Variants in PLPPR1 observed in about 807,000 individuals in gnomAD.
PLPPR1 encodes the protein phospholipid phosphatase related 1, also known as phospholipid phosphatase-related protein type 1.
PLPPR1 carries 10 observed loss-of-function variants against 33.1 expected under a neutral mutation model. The observed-to-expected ratio is 0.30, with a 90% CI of 0.19 to 0.51. The LOEUF is 0.51. Among genes scored for constraint, PLPPR1 ranks in the 20% least tolerant of loss-of-function variants. The pLI, the probability that PLPPR1 is intolerant of heterozygous loss-of-function variation, is 0.97. For missense variants in PLPPR1, 304 were observed against 408.1 expected, an observed-to-expected ratio of 0.74 and a Z score of 2.20; for synonymous variants, 151 against 151.0, an observed-to-expected ratio of 1.00 and a Z score of 0.00.
At chr9:101,122,885 A>T (rs1831194427) in intron 1 of PLPPR1, among the ~76,000 whole-genome samples, 1 of 152,236 alleles carries the variant, frequency 6.6e-6, no homozygotes, top group South Asian at 2.1e-4. Flanking sequence ...CAGAGGAGCT[A>T]GATCTGTATT....
intron 1 of PLPPR1, among the ~76,000 whole-genome samples, chr9:101,033,160 A>G (rs1829966718): frequency 6.6e-6 from 1 of 152,152 alleles, no homozygotes; most frequent in Non-Finnish European, 1.5e-5. Flanking sequence ...AAGCCCAAAC[A>G]TGTTGAATTT....
chr9:101,282,458 G>T (rs1828322401), intron 3 of PLPPR1, among the ~76,000 whole-genome samples: 1 of 152,138 alleles, frequency 6.6e-6, no homozygotes, highest in Admixed American at 6.6e-5. Context: ...CTAAATTCAT[G>T]TTCAACGGAG....
At chr9:101,131,216 G>A (rs1831309913) in intron 1 of PLPPR1, among the ~76,000 whole-genome samples, 1 of 152,034 alleles carries the variant, frequency 6.6e-6, no homozygotes, top group Non-Finnish European at 1.5e-5. Flanking sequence ...AACTCATTCT[G>A]GAATAATCAT....
At chr9:101,040,523 C>G (rs1368916159) in intron 1 of PLPPR1, among the ~76,000 whole-genome samples, 4 of 152,222 alleles carry the variant, frequency 2.6e-5, no homozygotes, top group East Asian at 3.9e-4. Flanking sequence ...AGTTGTTCAT[C>G]AAACATCCCA....
Position 101,189,727 on chromosome 9 carries a change from C to T in PLPPR1, c.63+4170C>T, listed in dbSNP as rs139869561. ...ATGTGTATCTTCTCATTCTTTCACT[C>T]CATCTCTTAGCCCATCTCGTTGCTG... On this transcript the variant is annotated intron_variant, in intron 2 of 7. Transcript: ENST00000374874. 3.1e-3 allele frequency among the ~76,000 whole-genome samples: 473 copies of T among 152,184 alleles called. 2 individuals are homozygous for T. The highest frequency in any genetic ancestry group is 0.01 in the Middle Eastern group (3 of 294).
chr9:101,193,286 A>G (rs1826334448), intron 2 of PLPPR1, among the ~76,000 whole-genome samples: 1 of 152,150 alleles, frequency 6.6e-6, no homozygotes, highest in South Asian at 2.1e-4. Context: ...GTCTTTCTGT[A>G]ATTCCCCTAC....
At chr9:101,030,567 C>T (rs533211662) in intron 1 of PLPPR1, among the ~76,000 whole-genome samples, 1 of 151,812 alleles carries the variant, frequency 6.6e-6, no homozygotes, top group Non-Finnish European at 1.5e-5. Context: ...GTTGGTTGTA[C>T]CTGAAAGGCG....
chr9:101,245,647 T>C (rs532635274), intron 2 of PLPPR1, among the ~76,000 whole-genome samples: 11 of 152,090 alleles, frequency 7.2e-5, no homozygotes, highest in Admixed American at 2.0e-4. Context: ...TCCACTGGAC[T>C]TGGGAGAGCT....
intron 1 of PLPPR1, among the ~76,000 whole-genome samples, chr9:101,065,596 C>G (rs1002587270): frequency 2.0e-5 from 3 of 152,042 alleles, no homozygotes; most frequent in Non-Finnish European, 2.9e-5. Context: ...GGATGCTGCT[C>G]TGTAACCATC....
intron 1 of PLPPR1, among the ~76,000 whole-genome samples, chr9:101,148,905 C>T (rs758953132): frequency 4.6e-5 from 7 of 152,116 alleles, no homozygotes; most frequent in Non-Finnish European, 1.0e-4. Flanking sequence ...CCCCACATGT[C>T]CAAATCTGTC....
intron 6 of PLPPR1, among the ~76,000 whole-genome samples, chr9:101,316,216 C>A (rs936169322): frequency 1.1e-4 from 16 of 152,088 alleles, no homozygotes; most frequent in Non-Finnish European, 2.9e-5. Context: ...GCCAGCAGAT[C>A]ATGATGTCAG....
chr9:101,091,212 A>G (rs1233737147), intron 1 of PLPPR1, among the ~76,000 whole-genome samples: 2 of 152,182 alleles, frequency 1.3e-5, no homozygotes, highest in African/African-American at 4.8e-5. Flanking sequence ...ACCATCTCAT[A>G]TAGTTGCCCA....
At chr9:101,313,199 T>C (rs1380523990) in intron 6 of PLPPR1, among the ~76,000 whole-genome samples, 1 of 152,182 alleles carries the variant, frequency 6.6e-6, no homozygotes, top group Non-Finnish European at 1.5e-5. Context: ...AGGGAGAGAA[T>C]TGCCCCTAGA....
chr9:101,127,327 G>A lies in PLPPR1; in HGVS notation c.-45-58123G>A, dbSNP rs199859789. ...GGTCATGGGGGCAACGAAGTCCGGC[G>A]GAGTCTAAGGATTGAGAAAAAGACA... On this transcript the variant is annotated intron_variant, in intron 1 of 7. Transcript: ENST00000374874. Among the ~76,000 whole-genome samples the A allele has an allele frequency of 4.3e-4, 65 of 152,288 alleles. 1 individual carries two copies. The South Asian group carries it at 0.013, about 30-fold the overall frequency.
intron 1 of PLPPR1, among the ~76,000 whole-genome samples, chr9:101,084,956 T>C (rs1830660212): frequency 6.6e-6 from 1 of 152,218 alleles, no homozygotes; most frequent in African/African-American, 2.4e-5. Context: ...AGAACTCCTC[T>C]CTGGGATGGG....
chr9:101,274,742 C>A (rs1828157910), intron 3 of PLPPR1, among the ~76,000 whole-genome samples: 1 of 152,116 alleles, frequency 6.6e-6, no homozygotes, highest in Non-Finnish European at 1.5e-5. Flanking sequence ...AGTATGCATC[C>A]TCCACTCTCC....
chr9:101,185,895 T>G (rs1024406594), intron 2 of PLPPR1, among the ~76,000 whole-genome samples: 8 of 151,912 alleles, frequency 5.3e-5, no homozygotes, highest in African/African-American at 9.7e-5. Context: ...TTAATTAATT[T>G]TTTTATTAAA....
intron 1 of PLPPR1, among the ~76,000 whole-genome samples, chr9:101,049,433 A>G (rs1830192757): frequency 6.6e-6 from 1 of 152,218 alleles, no homozygotes; most frequent in South Asian, 2.1e-4. Context: ...ACCTGGAAGA[A>G]TGTTCATTAT....
intron 1 of PLPPR1, among the ~76,000 whole-genome samples, chr9:101,174,868 C>T (rs921117604): frequency 2.6e-5 from 4 of 152,114 alleles, no homozygotes; most frequent in African/African-American, 9.7e-5. Context: ...CAAGAAACAT[C>T]AGTGACTGTC....
Sources: gnomAD v4.1 joint callset for allele counts (sites outside exome capture counted in the v4.1 genomes callset) on GRCh38, gnomAD v4.1.1 for gene constraint, MANE v1.5 for transcripts, NCBI Gene and HGNC (gene_info 2026-07-23, HGNC 2026-07-21) for gene names.